Variants in TPD52L2 observed in about 807,000 individuals in gnomAD.
TPD52L2 encodes tumor protein D54.
TPD52L2 carries 19 observed loss-of-function variants against 24.7 expected under a neutral mutation model. The ratio of observed to expected loss-of-function variants is 0.77; its 90% confidence interval spans 0.54 to 1.13. The LOEUF (loss-of-function observed/expected upper bound fraction) is 1.13. Among genes scored for constraint, TPD52L2 ranks in the 50% most tolerant of loss-of-function variants. The probability of loss-of-function intolerance (pLI) is 0.00; values close to 1 mark genes in which losing one functional copy is unlikely to be tolerated. For missense variants in TPD52L2, 236 were observed against 250.4 expected, an observed-to-expected ratio of 0.94 and a Z score of 0.39; for synonymous variants, 104 against 100.2, an observed-to-expected ratio of 1.04 and a Z score of -0.23.
chr20:63,865,505 C>T, intron 1 of TPD52L2, 121 bp downstream of exon 1: 1 of 1,305,814 alleles, frequency 7.7e-7, no homozygotes, highest in Non-Finnish European at 1.0e-6. Context: ...ACCCCGCGGC[C>T]CCTCTTCAGC....
At chr20:63,874,634 A>G (rs1384168929) in intron 3 of TPD52L2, among the ~76,000 whole-genome samples, 2 of 152,066 alleles carry the variant, frequency 1.3e-5, no homozygotes, top group Non-Finnish European at 2.9e-5. Flanking sequence ...TTGGCCTCCT[A>G]AAATGCTTGG....
intron 6 of TPD52L2, 74 bp from the exon 7 acceptor site, chr20:63,889,776 C>T: frequency 7.1e-7 from 1 of 1,413,346 alleles, no homozygotes. Context: ...GAGCATTGAG[C>T]ATGGGCCTGG....
Position 63,873,652 on chromosome 20 carries a change from A to T in TPD52L2, c.166-16A>T, listed in dbSNP as rs779357452. The T allele has an allele frequency of 1.2e-6, 2 of 1,610,936 alleles. No individual in the cohort carries two copies. The highest frequency in any genetic ancestry group is 1.7e-6 in the Non-Finnish European group (2 of 1,178,810). On this transcript the variant is annotated splice_polypyrimidine_tract_variant and intron_variant, in intron 2 of 6. Transcript: ENST00000346249. ...GCAGTAGTGATGGCTCATCATGTCA[A>T]CTGCATGCTTTGCAGGTGGAAGAGG...
At chr20:63,872,960 G>A (rs932674033) in intron 2 of TPD52L2, among the ~76,000 whole-genome samples, 2 of 151,720 alleles carry the variant, frequency 1.3e-5, no homozygotes, top group African/African-American at 2.4e-5. Context: ...TGATCCGCCC[G>A]CCTTGGCCTC....
At chr20:63,876,661 A>G (rs1378872055) in intron 4 of TPD52L2, 1 of 424,296 alleles carries the variant, frequency 2.4e-6, no homozygotes, top group Non-Finnish European at 4.8e-6. Context: ...AAGTCCTCCC[A>G]TGTTGGTCTG....
rs947899647 is a variant in TPD52L2, at chr20:63,877,753, C to A, written c.374+1878C>A. ...CCCTCTGGAGAAACCTGTGGCTCAG[C>A]ATGGAAGCATATGGCCAGTGCATCA... On this transcript the variant is annotated intron_variant, in intron 4 of 6. Transcript: ENST00000346249. This position sits in a 1 kb window ranked among gnomAD's most constrained non-coding sequence, Gnocchi z 4.1. Among the ~76,000 whole-genome samples the A allele has an allele frequency of 1.3e-5, 2 of 152,278 alleles. No individual in the cohort carries two copies. Among genetic ancestry groups the A allele is most frequent in the Admixed American group, 1.3e-4 (2 of 15,290 alleles).
At position 63,865,645 on chromosome 20, in the gene TPD52L2, C is replaced by T. The variant is rs547754579; in HGVS notation, c.19+261C>T. ...TGGGACCGTTCCGAGGTGTGGTTCC[C>T]TGGCGCCCGCCGTTGCTCCCGTAGT... On this transcript the variant is annotated intron_variant, in intron 1 of 6. Coordinates refer to ENST00000346249, the MANE Select transcript of TPD52L2 (RefSeq NM_003288.4). 4.6e-3 allele frequency among the ~76,000 whole-genome samples: 694 copies of T among 151,988 alleles called. 4 individuals carry two copies. The highest frequency in any genetic ancestry group is 0.016 in the African/African-American group (661 of 41,550).
intron 2 of TPD52L2, among the ~76,000 whole-genome samples, 169 bp downstream of exon 2, chr20:63,869,610 A>G (rs187060084): frequency 5.3e-5 from 8 of 152,302 alleles, no homozygotes; most frequent in Admixed American, 3.3e-4. Flanking sequence ...GCCCAGCTCC[A>G]TGCACTGGAC....
chr20:63,865,874 TGCTCGGA>T (rs2052205424), intron 1 of TPD52L2, among the ~76,000 whole-genome samples: 1 of 152,182 alleles, frequency 6.6e-6, no homozygotes, highest in Non-Finnish European at 1.5e-5. Context: ...GCAGCAACTC[TGCTCGGA>T]GCTCAGCCTG....
At chr20:63,878,135 G>A (rs560789982) in intron 4 of TPD52L2, among the ~76,000 whole-genome samples, 38 of 152,378 alleles carry the variant, frequency 2.5e-4, no homozygotes, top group African/African-American at 8.9e-4. Flanking sequence ...GAGCTCTGCA[G>A]GGGAAGGCAG....
At chr20:63,887,816 C>T (rs1486355941) in intron 5 of TPD52L2, 1 of 597,818 alleles carries the variant, frequency 1.7e-6, no homozygotes, top group African/African-American at 1.9e-5. Flanking sequence ...TCACCTGCAG[C>T]CTCCAGAGGA....
At chr20:63,880,963 T>C (rs1244218750) in intron 4 of TPD52L2, among the ~76,000 whole-genome samples, 2 of 152,048 alleles carry the variant, frequency 1.3e-5, no homozygotes, top group African/African-American at 4.8e-5. Context: ...TAACTGGTGT[T>C]TTATTAATAA....
chr20:63,867,399 C>G (rs920330803), intron 1 of TPD52L2, among the ~76,000 whole-genome samples: 11 of 152,080 alleles, frequency 7.2e-5, no homozygotes, highest in African/African-American at 2.7e-4. Flanking sequence ...AACCCCGTCT[C>G]TACTAAAAAT....
chr20:63,868,627 T>C (rs2052348175), intron 1 of TPD52L2, among the ~76,000 whole-genome samples: 1 of 152,166 alleles, frequency 6.6e-6, no homozygotes, highest in Admixed American at 6.5e-5. Context: ...ATATTAACCA[T>C]ATTAGGTTCC....
Position 63,866,843 on chromosome 20 carries a change from C to G in TPD52L2, c.19+1459C>G, listed in dbSNP as rs542228041. ...CTGGAGTGCAGTGGTGCAATCATAG[C>G]TTACTGCAATCTTCAACTCCTGGGC... On this transcript the variant is annotated intron_variant, in intron 1 of 6. Transcript: ENST00000346249. Among the ~76,000 whole-genome samples, 58 of 149,328 alleles carry G rather than the reference C, an allele frequency of 3.9e-4. No homozygotes were observed. The South Asian group carries it at 6.1e-3, about 16-fold the overall frequency.
At chr20:63,876,019 C>A in intron 4 of TPD52L2, 144 bp downstream of exon 4, 1 of 802,230 alleles carries the variant, frequency 1.2e-6, no homozygotes, top group Non-Finnish European at 2.0e-6. Context: ...TTTCTTCTCT[C>A]AGGTAAACTA....
chr20:63,870,520 GTTTTT>G (rs959786861), intron 2 of TPD52L2, among the ~76,000 whole-genome samples: 2 of 94,522 alleles, frequency 2.1e-5, no homozygotes, highest in African/African-American at 8.7e-5. Context: ...ATAAGGTGAA[GTTTTT>G]TTTTTTTTTT....
At chr20:63,887,409 C>A (rs2053171423) in intron 5 of TPD52L2, 2 of 880,420 alleles carry the variant, frequency 2.3e-6, no homozygotes, top group Non-Finnish European at 3.8e-6. Context: ...GGTCGAGTTT[C>A]CTTCGGGGGC....
chr20:63,879,527 G>A (rs1484784618), intron 4 of TPD52L2, among the ~76,000 whole-genome samples: 9 of 152,170 alleles, frequency 5.9e-5, no homozygotes, highest in South Asian at 2.1e-4. Context: ...TCTGAAGGCC[G>A]GGCACAGGCG....
Sources: gnomAD v4.1 joint callset for allele counts (sites outside exome capture counted in the v4.1 genomes callset) on GRCh38, gnomAD v4.1.1 for gene constraint, Gnocchi (gnomAD v3.1) non-coding constraint, MANE v1.5 for transcripts, NCBI Gene and HGNC (gene_info 2026-07-23, HGNC 2026-07-21) for gene names.